GRID1: variants seen among roughly 807,000 people sequenced by gnomAD.
GRID1 encodes the protein glutamate ionotropic receptor delta type subunit 1, also known as glutamate receptor ionotropic, delta-1.
Under a neutral mutation model 98.0 loss-of-function variants are expected in GRID1, and 28 were observed. The ratio of observed to expected loss-of-function variants is 0.29; its 90% CI spans 0.21 to 0.39. GRID1 has a LOEUF of 0.39. GRID1 is among the 10% of genes least tolerant of loss of function. The probability of loss-of-function intolerance (pLI) is 1.00; values close to 1 mark genes in which losing one functional copy is unlikely to be tolerated. For missense variants in GRID1, 1,111 were observed against 1,340.5 expected, an observed-to-expected ratio of 0.83 and a Z score of 2.67; for synonymous variants, 553 against 538.5, an observed-to-expected ratio of 1.03 and a Z score of -0.37.
At chr10:86,133,041 G>A (rs1343113567) in intron 4 of GRID1, among the ~76,000 whole-genome samples, 1 of 152,238 alleles carries the variant, frequency 6.6e-6, no homozygotes, top group Non-Finnish European at 1.5e-5. Context: ...TACAGAAAGA[G>A]ATCACTGGTA....
intron 12 of GRID1, among the ~76,000 whole-genome samples, chr10:85,687,175 T>C (rs1302476597): frequency 6.6e-6 from 1 of 152,162 alleles, no homozygotes; most frequent in Non-Finnish European, 1.5e-5. Context: ...ATATTTCTTG[T>C]AATAAAAAAT....
At chr10:86,246,801 C>A (rs572267666) in intron 2 of GRID1, among the ~76,000 whole-genome samples, 2 of 152,244 alleles carry the variant, frequency 1.3e-5, no homozygotes, top group Admixed American at 6.5e-5. Context: ...CAACCCCCTA[C>A]ACAGGGCCTC....
chr10:86,174,571 C>T (rs1464144196), intron 3 of GRID1, among the ~76,000 whole-genome samples: 1 of 152,126 alleles, frequency 6.6e-6, no homozygotes, highest in Non-Finnish European at 1.5e-5. Flanking sequence ...CCATTCAGGA[C>T]ATAGGCATGG....
Position 85,609,858 on chromosome 10 carries a change from C to G in GRID1, c.2601+3549G>C, listed in dbSNP as rs190205160. ...TCTCAGAGCAATGGCTCCACATCCC[C>G]CATAAATCTAGCGAGTGGCTCTTTA... On this transcript the variant is annotated intron_variant, in intron 15 of 15. Coordinates refer to ENST00000327946, the MANE Select transcript of GRID1 (RefSeq NM_017551.3). Among the ~76,000 whole-genome samples, 6 of 152,338 alleles carry G rather than the reference C, an allele frequency of 3.9e-5. No individual in the cohort carries two copies. In the East Asian group the frequency reaches 9.7e-4, roughly 25 times the overall value.
At chr10:85,753,220 T>G (rs1308554398) in intron 8 of GRID1, among the ~76,000 whole-genome samples, 2 of 152,256 alleles carry the variant, frequency 1.3e-5, no homozygotes, top group Non-Finnish European at 2.9e-5. Context: ...AAATTCATTT[T>G]ATTATACTCT....
chr10:86,142,701 G>A (rs552168797), intron 3 of GRID1, among the ~76,000 whole-genome samples: 1 of 152,228 alleles, frequency 6.6e-6, no homozygotes, highest in Non-Finnish European at 1.5e-5. Context: ...GTTTACATAA[G>A]CATGTGTACC....
intron 4 of GRID1, among the ~76,000 whole-genome samples, chr10:86,049,735 T>C (rs2002585): frequency 0.34 from 51,222 of 152,130 alleles, 10,731 homozygotes; most frequent in African/African-American, 0.6. Flanking sequence ...TCATCCATGA[T>C]TCTTACTTGT....
intron 13 of GRID1, among the ~76,000 whole-genome samples, chr10:85,637,177 G>A (rs1019628480): frequency 2.0e-4 from 31 of 152,178 alleles, no homozygotes; most frequent in Middle Eastern, 3.4e-3. Flanking sequence ...TATATAAAAC[G>A]TTTGTAGAAA....
intron 8 of GRID1, among the ~76,000 whole-genome samples, chr10:85,769,961 T>G (rs1842240550): frequency 1.3e-5 from 2 of 152,178 alleles, no homozygotes; most frequent in Non-Finnish European, 2.9e-5. Context: ...CTGACAGCTT[T>G]GAAGAGAGCA....
intron 12 of GRID1, among the ~76,000 whole-genome samples, chr10:85,691,099 G>C (rs10887518): frequency 0.56 from 84,855 of 152,010 alleles, 24,227 homozygotes; most frequent in Middle Eastern, 0.67. Flanking sequence ...AGCTAAGACT[G>C]AGATCCATAA....
chr10:86,009,871 A>ATACATAG (rs1488459275), intron 4 of GRID1, among the ~76,000 whole-genome samples: 1 of 152,222 alleles, frequency 6.6e-6, no homozygotes, highest in African/African-American at 2.4e-5. Context: ...TCATTAGCAG[A>ATACATAG]TACATAGGCA....
intron 4 of GRID1, among the ~76,000 whole-genome samples, chr10:85,976,318 G>C (rs1842471978): frequency 6.6e-6 from 1 of 152,164 alleles, no homozygotes; most frequent in Admixed American, 6.5e-5. Context: ...ACTCTGGATG[G>C]TGCTCCATCA....
chr10:85,753,132 T>A (rs1171101449), intron 8 of GRID1, among the ~76,000 whole-genome samples: 1 of 152,184 alleles, frequency 6.6e-6, no homozygotes, highest in Non-Finnish European at 1.5e-5. Context: ...CATCTAGCAA[T>A]TTCACAGATT....
chr10:85,756,855 A>T (rs74628791), intron 8 of GRID1, among the ~76,000 whole-genome samples: 5,004 of 152,292 alleles, frequency 0.033, 129 homozygotes, highest in Middle Eastern at 0.048. Flanking sequence ...TGCTCTGAGC[A>T]CTGTACCAAT....
At chr10:85,990,866 T>A (rs924549668) in intron 4 of GRID1, among the ~76,000 whole-genome samples, 1 of 151,982 alleles carries the variant, frequency 6.6e-6, no homozygotes, top group Non-Finnish European at 1.5e-5. Flanking sequence ...TATAAAGACT[T>A]TTTTTTTCCT....
At chr10:85,729,924 C>T (rs1233144555) in intron 8 of GRID1, among the ~76,000 whole-genome samples, 3 of 152,208 alleles carry the variant, frequency 2.0e-5, no homozygotes, top group Non-Finnish European at 4.4e-5. Flanking sequence ...CCCACAGAGG[C>T]CATGTCACTG....
chr10:85,881,335 A>T (rs1170433668), intron 5 of GRID1, among the ~76,000 whole-genome samples: 1 of 152,226 alleles, frequency 6.6e-6, no homozygotes, highest in African/African-American at 2.4e-5. Context: ...AAGCCAAAAG[A>T]ACAAAGCCAG....
intron 13 of GRID1, among the ~76,000 whole-genome samples, chr10:85,628,051 T>C (rs766219491): frequency 1.1e-4 from 16 of 151,842 alleles, no homozygotes; most frequent in Non-Finnish European, 2.2e-4. Flanking sequence ...TGTATGTGCA[T>C]ATGTGTAAGT....
At chr10:85,704,856 C>A (rs904738896) in intron 12 of GRID1, among the ~76,000 whole-genome samples, 2 of 152,180 alleles carry the variant, frequency 1.3e-5, no homozygotes, top group African/African-American at 4.8e-5. Flanking sequence ...GAAAAACCTG[C>A]TCCTGAATGA....
Sources: gnomAD v4.1 joint callset for allele counts (sites outside exome capture counted in the v4.1 genomes callset) on GRCh38, gnomAD v4.1.1 for gene constraint, MANE v1.5 for transcripts, NCBI Gene and HGNC (gene_info 2026-07-23, HGNC 2026-07-21) for gene names.